Variants in PBLD observed in about 807,000 individuals in gnomAD.
The protein encoded by PBLD is phenazine biosynthesis-like domain-containing protein.
Under a neutral mutation model 31.3 loss-of-function variants are expected in PBLD, and 26 were observed. That is an observed-to-expected ratio of 0.83 (90% CI 0.61 to 1.15). The LOEUF is 1.15. Among genes scored for constraint, PBLD ranks in the 50% most tolerant of loss-of-function variants. The probability of loss-of-function intolerance (pLI) is 0.00; values close to 1 mark genes in which losing one functional copy is unlikely to be tolerated. For missense variants in PBLD, 307 were observed against 351.7 expected, an observed-to-expected ratio of 0.87 and a Z score of 1.02; for synonymous variants, 114 against 129.0, an observed-to-expected ratio of 0.88 and a Z score of 0.79.
At chr10:68,322,422 A>C (rs766231981) in intron 1 of PBLD, among the ~76,000 whole-genome samples, 2 of 151,864 alleles carry the variant, frequency 1.3e-5, no homozygotes, top group African/African-American at 2.4e-5. Flanking sequence ...GCACTTTGGG[A>C]GGCCGAGGTA....
chr10:68,291,890 C>A (rs906194091), intron 6 of PBLD, 120 bp downstream of exon 6: 7 of 1,158,210 alleles, frequency 6.0e-6, no homozygotes, highest in African/African-American at 1.5e-5. Context: ...AAAATTCAAA[C>A]CTGAAACACT....
intron 2 of PBLD, among the ~76,000 whole-genome samples, chr10:68,301,127 C>T (rs1220667320): frequency 6.6e-6 from 1 of 152,256 alleles, no homozygotes; most frequent in South Asian, 2.1e-4. Context: ...AACTCCTGAC[C>T]TCAGGTGATC....
At chr10:68,302,629 G>T (rs1194642745) in intron 2 of PBLD, among the ~76,000 whole-genome samples, 1 of 152,006 alleles carries the variant, frequency 6.6e-6, no homozygotes, top group African/African-American at 2.4e-5. Context: ...GATCACCTGA[G>T]GCCAGAAGTT....
chr10:68,319,114 A>AAGAAAGAAAAAG (rs59508780), intron 1 of PBLD, among the ~76,000 whole-genome samples: 1 of 125,986 alleles, frequency 7.9e-6, no homozygotes, highest in Non-Finnish European at 1.7e-5. Flanking sequence ...AAAGAAAGGA[A>AAGAAAGAAAAAG]AAAGAAAGAA....
intron 2 of PBLD, among the ~76,000 whole-genome samples, chr10:68,300,187 C>T (rs917039477): frequency 3.3e-5 from 5 of 152,028 alleles, no homozygotes; most frequent in East Asian, 1.9e-4. Flanking sequence ...CTCTACGCCC[C>T]GGCTTACCCA....
chr10:68,314,503 G>T (rs189397352), intron 1 of PBLD, among the ~76,000 whole-genome samples: 220 of 152,278 alleles, frequency 1.4e-3, no homozygotes, highest in African/African-American at 4.7e-3. Flanking sequence ...GAAGGGACAG[G>T]ATGTGGTTGA....
intron 4 of PBLD, among the ~76,000 whole-genome samples, chr10:68,292,666 C>A (rs1421662550): frequency 1.3e-5 from 2 of 151,838 alleles, no homozygotes; most frequent in African/African-American, 4.8e-5. Context: ...TGCACCATCA[C>A]ATCCAGCTAA....
chr10:68,314,683 C>T (rs185895152), intron 1 of PBLD, among the ~76,000 whole-genome samples: 4 of 151,488 alleles, frequency 2.6e-5, no homozygotes, highest in African/African-American at 4.8e-5. Flanking sequence ...CTGCAACTTC[C>T]GCCTCCCAGG....
At chr10:68,290,082 G>A (rs2044339338) in intron 6 of PBLD, among the ~76,000 whole-genome samples, 1 of 8,102 alleles carries the variant, frequency 1.2e-4, no homozygotes, top group Non-Finnish European at 6.8e-4. Flanking sequence ...GCTTGGGGCA[G>A]AGGGGGATTA....
chr10:68,288,712 A>T lies in PBLD; in HGVS notation c.513-51T>A, dbSNP rs547336280. Reference sequence around the variant, plus strand: ...GACAAACCCATTTCACAGCCCACTCACCACACAGACTCTGTGAAGCAGGCC... The same window carrying T: ...GACAAACCCATTTCACAGCCCACTCTCCACACAGACTCTGTGAAGCAGGCC... On this transcript the variant is annotated intron_variant, in intron 7 of 9. Coordinates refer to ENST00000358769, the MANE Select transcript of PBLD (RefSeq NM_022129.4). 3.2e-6 allele frequency: 5 copies of T among 1,572,460 alleles called. No homozygotes were observed. The African/African-American group carries it at 6.8e-5, about 21-fold the overall frequency.
At chr10:68,297,032 G>A (rs755624179) in intron 2 of PBLD, 47 bp from the exon 3 acceptor site, 9 of 1,422,186 alleles carry the variant, frequency 6.3e-6, no homozygotes, top group Non-Finnish European at 8.9e-6. Context: ...ACACAGATCA[G>A]ACTTCCTTTG....
In PBLD at chr10:68,312,754, C is replaced by T. The variant is rs1161557872; in HGVS notation, c.-59-5851G>A. Among the ~76,000 whole-genome samples, 115 of 59,408 alleles carry T rather than the reference C, an allele frequency of 1.9e-3. 1 individual carries two copies. Among genetic ancestry groups the T allele is most frequent in the African/African-American group, 7.6e-3 (109 of 14,414 alleles). 39.0% of individuals were successfully genotyped at this position (59,408 alleles called of 152,430 possible). A position where few individuals can be genotyped will look rare whatever the true frequency, so the allele number is the denominator to read the frequency against. On this transcript the variant is annotated intron_variant, in intron 1 of 9. Coordinates refer to ENST00000358769, the MANE Select transcript of PBLD (RefSeq NM_022129.4). Reference sequence around the variant, plus strand: ...CCTCCGGAGTAGCTGGTACTACAGGCGCCCGCCACCATGGCCTGGCTAATT... The same window carrying T: ...CCTCCGGAGTAGCTGGTACTACAGGTGCCCGCCACCATGGCCTGGCTAATT...
At chr10:68,297,019 A>G (rs1441288975) in intron 2 of PBLD, 34 bp from the exon 3 acceptor site, 1 of 1,521,236 alleles carries the variant, frequency 6.6e-7, no homozygotes, top group African/African-American at 1.4e-5. Context: ...TGAGGTTTCA[A>G]AAACACAGAT....
chr10:68,321,979 G>A (rs1589673909), intron 1 of PBLD, among the ~76,000 whole-genome samples: 1 of 152,146 alleles, frequency 6.6e-6, no homozygotes. Flanking sequence ...AACTTCCCCA[G>A]GACCCTGAGT....
intron 2 of PBLD, among the ~76,000 whole-genome samples, chr10:68,300,034 G>A (rs370636968): frequency 2.6e-5 from 4 of 151,970 alleles, no homozygotes; most frequent in Admixed American, 2.0e-4. Context: ...GGGACTACAG[G>A]TGCAGACCAC....
intron 1 of PBLD, among the ~76,000 whole-genome samples, chr10:68,312,119 C>G (rs2044677262): frequency 6.6e-6 from 1 of 152,230 alleles, no homozygotes; most frequent in Admixed American, 6.5e-5. Context: ...TAGGTTGATT[C>G]CACATCTTGG....
chr10:68,320,904 C>A (rs1258070690), intron 1 of PBLD, among the ~76,000 whole-genome samples: 1 of 151,886 alleles, frequency 6.6e-6, no homozygotes, highest in Non-Finnish European at 1.5e-5. Context: ...TACAAGCAAC[C>A]TCTGCCTCCC....
chr10:68,328,549 A>G (rs1395105323), intron 1 of PBLD, among the ~76,000 whole-genome samples: 1 of 152,116 alleles, frequency 6.6e-6, no homozygotes, highest in Non-Finnish European at 1.5e-5. Context: ...ATGGTCTCTA[A>G]CAAGATCCTC....
chr10:68,330,198 A>G (rs564148505), intron 1 of PBLD, among the ~76,000 whole-genome samples: 193 of 152,118 alleles, frequency 1.3e-3, no homozygotes, highest in African/African-American at 4.3e-3. Flanking sequence ...GAGCATCATG[A>G]CTTAGGGAAT....
Sources: allele counts gnomAD v4.1 joint callset (sites outside exome capture counted in the v4.1 genomes callset), GRCh38; gene constraint gnomAD v4.1.1; transcripts MANE v1.5; gene names NCBI Gene and HGNC (gene_info 2026-07-23, HGNC 2026-07-21).